Variants in CLTC observed in about 807,000 individuals in gnomAD.
CLTC encodes clathrin heavy chain.
Under a neutral mutation model 195.8 loss-of-function variants are expected in CLTC, and 16 were observed. The ratio of observed to expected loss-of-function variants is 0.08; its 90% CI spans 0.06 to 0.12. The LOEUF is 0.12. CLTC is among the 10% of genes least tolerant of loss of function. CLTC has a pLI of 1.00. For synonymous variants in CLTC, 667 were observed against 689.4 expected, an observed-to-expected ratio of 0.97 and a Z score of 0.51; for missense variants, 796 against 2,027.0, an observed-to-expected ratio of 0.39 and a Z score of 11.66.
rs980378418 is a variant in CLTC at position 59,696,506 on chromosome 17, A to C, written c.*2654A>C. 5.5e-6 allele frequency: 1 copy of C among 180,992 alleles called. No homozygotes were observed. Among genetic ancestry groups the C allele is most frequent in the African/African-American group, 3.0e-5 (1 of 33,146 alleles). The allele number at this position is 180,992 out of a possible 1,614,324, so 11.2% of individuals were successfully genotyped here. A position where few individuals can be genotyped will look rare whatever the true frequency, so the allele number is the denominator to read the frequency against. ...ACTGATTTTAGAAATTACTGTCAGT[A>C]TCCTCCTAAAAGAAGGCTTAAATAG... On this transcript the variant is annotated 3_prime_UTR_variant, in exon 32 of 32. Transcript: ENST00000269122.
intron 2 of CLTC, 52 bp downstream of exon 2, chr17:59,644,535 T>TG (rs1567940526): frequency 3.7e-6 from 5 of 1,366,402 alleles, no homozygotes; most frequent in Non-Finnish European, 5.0e-6. Context: ...TTTTGTTTTT[T>TG]TTTGTTTTTT....
At chr17:59,674,936 A>G in intron 16 of CLTC, 93 bp downstream of exon 16, 3 of 1,241,634 alleles carry the variant, frequency 2.4e-6, no homozygotes, top group Non-Finnish European at 3.4e-6. Flanking sequence ...GCTACTAAAT[A>G]ACACATGGAG....
chr17:59,646,372 G>T (rs1329079266), intron 2 of CLTC, among the ~76,000 whole-genome samples: 1 of 152,086 alleles, frequency 6.6e-6, no homozygotes, highest in African/African-American at 2.4e-5. Context: ...GTGTGGGATG[G>T]GAATAACATT....
At chr17:59,679,326 A>G (rs2033032811) in intron 17 of CLTC, 71 bp from the exon 18 acceptor site, 1 of 1,287,396 alleles carries the variant, frequency 7.8e-7, no homozygotes, top group Middle Eastern at 1.9e-4. Context: ...AAAGATAGGA[A>G]ATACCCTCTA....
intron 30 of CLTC, 93 bp from the exon 31 acceptor site, chr17:59,690,543 A>G (rs1401182743): frequency 1.2e-6 from 1 of 807,786 alleles, no homozygotes; most frequent in East Asian, 2.5e-5. Flanking sequence ...ATTTTGACAG[A>G]ATTTAACATA....
chr17:59,638,912 A>G (rs558612465), intron 1 of CLTC, among the ~76,000 whole-genome samples: 1 of 152,300 alleles, frequency 6.6e-6, no homozygotes, highest in South Asian at 2.1e-4. Context: ...TCCCCCTGTT[A>G]ATAGAAGTTG....
At position 59,685,408 on chromosome 17, in the gene CLTC, G is replaced by A. The variant is rs77611214; in HGVS notation, c.4606-179G>A. ...TATGTTAAGGTCAAACTTGTCTGGGGAAAAAAAAGCTTTTAGCTTATCTCT... is the reference window on the plus strand; with the variant it reads ...TATGTTAAGGTCAAACTTGTCTGGGAAAAAAAAAGCTTTTAGCTTATCTCT... On this transcript the variant is annotated intron_variant, in intron 29 of 31. Coordinates refer to ENST00000269122, the MANE Select transcript of CLTC (RefSeq NM_004859.4). This position sits in a 1 kb window ranked among gnomAD's most constrained non-coding sequence, Gnocchi z 5.0. Among the ~76,000 whole-genome samples, 1 of 151,442 alleles carries A rather than the reference G, an allele frequency of 6.6e-6. No individual in the cohort carries two copies. The highest frequency in any genetic ancestry group is 1.5e-5 in the Non-Finnish European group (1 of 67,808).
chr17:59,679,429 T>C lies in CLTC; in HGVS notation c.2829T>C (p.Leu943=), dbSNP rs187043576. The C allele has an allele frequency of 3.1e-6, 5 of 1,607,170 alleles. No individual in the cohort carries two copies. The Admixed American group carries it at 6.8e-5, about 22-fold the overall frequency. The change falls in exon 18 of 32, where the codon CTT becomes CTC. Residue 943 remains leucine (L), a synonymous_variant. Coordinates refer to ENST00000269122, the MANE Select transcript of CLTC (RefSeq NM_004859.4). ...ATGAGAATTCCCTCTTCAAAAGTCT[T>C]TCTCGCTACCTGGTACGTCGAAAGG... The part of the protein sequence containing the change: ...VCNENSLFKS[L]SRYLVRRKDP...
Position 59,683,356 on chromosome 17 carries a change from T to C in CLTC, c.4042-31T>C. On this transcript the variant is annotated intron_variant, in intron 25 of 31. Transcript: ENST00000269122. The surrounding 1 kb of genome is among the most constrained non-coding windows in gnomAD (Gnocchi z 6.1). ...TTTTTAAGGCTGTTAGCTAGACTCATATCTAAAGCAATTAAGTCTTTCTTA... is the reference window on the plus strand; with the variant it reads ...TTTTTAAGGCTGTTAGCTAGACTCACATCTAAAGCAATTAAGTCTTTCTTA... 8.7e-6 allele frequency: 14 copies of C among 1,605,126 alleles called. No homozygotes were observed. Among genetic ancestry groups the C allele is most frequent in the South Asian group, 1.1e-5 (1 of 90,104 alleles).
At chr17:59,669,008 A>G in intron 14 of CLTC, 68 bp downstream of exon 14, 1 of 1,396,762 alleles carries the variant, frequency 7.2e-7, no homozygotes, top group South Asian at 1.5e-5. Context: ...GGGTTTGGTC[A>G]TAGTTCAAAA....
Position 59,673,757 on chromosome 17 carries a change from GAT to G in CLTC, c.2408_2409del (p.Tyr803CysfsTer18). On this transcript the variant is annotated frameshift_variant, in exon 15 of 32. Transcript: ENST00000269122. LOFTEE classifies it high-confidence loss of function. ...GAAATAATCTTCAAAAGTATATAGA[GAT>G]ATATGTACAGAAGGTAAGTAATATG... ...YRNNLQKYIE[I>X]YVQKVNPSRL... is the part of the protein sequence containing the mutation. 1 of 1,273,084 alleles carries G rather than the reference GAT, an allele frequency of 7.9e-7. No homozygotes were observed. Among genetic ancestry groups the G allele is most frequent in the Non-Finnish European group, 1.1e-6 (1 of 870,816 alleles). The allele number at this position is 1,273,084 out of a possible 1,614,324, so 78.9% of individuals were successfully genotyped here.
intron 1 of CLTC, among the ~76,000 whole-genome samples, chr17:59,641,858 T>G (rs959423088): frequency 3.9e-5 from 6 of 152,158 alleles, no homozygotes; most frequent in Admixed American, 6.5e-5. Flanking sequence ...ACCTTATTTT[T>G]TAAAGTTTTT....
At chr17:59,620,483 A>G (rs2031335559) in intron 1 of CLTC, among the ~76,000 whole-genome samples, 1 of 151,932 alleles carries the variant, frequency 6.6e-6, no homozygotes, top group Non-Finnish European at 1.5e-5. Context: ...TATTCATTTC[A>G]TTCATTTGGG....
chr17:59,651,186 G>T lies in CLTC; in HGVS notation c.682-17G>T, dbSNP rs1339531418. On this transcript the variant is annotated splice_polypyrimidine_tract_variant and intron_variant, in intron 4 of 31. Coordinates refer to ENST00000269122, the MANE Select transcript of CLTC (RefSeq NM_004859.4). ...TAATGTATAGGTTTATATACATTTT[G>T]ATTTTCTTTTGAACAGTTACATATT... The T allele has an allele frequency of 1.3e-6, 2 of 1,510,616 alleles. No homozygotes were observed. Among genetic ancestry groups the T allele is most frequent in the South Asian group, 2.3e-5 (2 of 87,210 alleles). The allele number at this position is 1,510,616 out of a possible 1,614,324, so 93.6% of individuals were successfully genotyped here. A position where few individuals can be genotyped will look rare whatever the true frequency, so the allele number is the denominator to read the frequency against.
At chr17:59,676,723 C>T (rs1487990844) in intron 16 of CLTC, among the ~76,000 whole-genome samples, 3 of 152,164 alleles carry the variant, frequency 2.0e-5, no homozygotes, top group Non-Finnish European at 2.9e-5. Flanking sequence ...ACCAGCTACT[C>T]GGGAGGCTGA....
chr17:59,647,168 C>G (rs116641554), intron 2 of CLTC, among the ~76,000 whole-genome samples: 181 of 152,268 alleles, frequency 1.2e-3, no homozygotes, highest in African/African-American at 4.2e-3. Context: ...GGAAGTCATA[C>G]TATCTGTTTA....
At chr17:59,686,897 G>A (rs2033196794) in intron 30 of CLTC, 1 of 602,216 alleles carries the variant, frequency 1.7e-6, no homozygotes, top group Non-Finnish European at 2.1e-6. Context: ...CCTTTTTAGT[G>A]GTTAGATGTT....
chr17:59,628,084 A>G (rs2031604922), intron 1 of CLTC, among the ~76,000 whole-genome samples: 1 of 152,224 alleles, frequency 6.6e-6, no homozygotes, highest in Admixed American at 6.5e-5. Flanking sequence ...AGTACTGTTA[A>G]TACTTCTTGT....
chr17:59,695,264 T>G lies in CLTC; in HGVS notation c.*1412T>G, dbSNP rs2033393623. 5.2e-6 allele frequency: 1 copy of G among 193,800 alleles called. No homozygotes were observed. The highest frequency in any genetic ancestry group is 1.1e-5 in the Non-Finnish European group (1 of 93,010). The allele number at this position is 193,800 out of a possible 1,614,324, so 12.0% of individuals were successfully genotyped here. A position where few individuals can be genotyped will look rare whatever the true frequency, so the allele number is the denominator to read the frequency against. On this transcript the variant is annotated 3_prime_UTR_variant, in exon 32 of 32. Transcript: ENST00000269122. ...TCACTATCCCTTAATCCTCAATAGCTACACATACCCCCTTGCCTAGTTAGT... is the reference window on the plus strand; with the variant it reads ...TCACTATCCCTTAATCCTCAATAGCGACACATACCCCCTTGCCTAGTTAGT...
Sources: allele counts gnomAD v4.1 joint callset (sites outside exome capture counted in the v4.1 genomes callset), GRCh38; gene constraint gnomAD v4.1.1; non-coding constraint Gnocchi (gnomAD v3.1); transcripts MANE v1.5; gene names NCBI Gene and HGNC (gene_info 2026-07-23, HGNC 2026-07-21).